The following NTRK2 variants were observed in gnomAD, a reference collection of about 807,000 sequenced individuals.
NTRK2 encodes neurotrophic receptor tyrosine kinase 2.
NTRK2 carries 13 observed loss-of-function variants against 94.5 expected under a neutral mutation model. That is an observed-to-expected ratio of 0.14 (90% confidence interval 0.09 to 0.22). The LOEUF is 0.22. NTRK2 is among the 10% of genes least tolerant of loss of function. The pLI, the probability that NTRK2 is intolerant of heterozygous loss-of-function variation, is 1.00. For missense variants in NTRK2, 639 were observed against 1,071.2 expected, an observed-to-expected ratio of 0.60 and a Z score of 5.63; for synonymous variants, 372 against 407.4, an observed-to-expected ratio of 0.91 and a Z score of 1.05.
intron 11 of NTRK2, among the ~76,000 whole-genome samples, chr9:84,747,044 A>G (rs547390145): frequency 7.9e-5 from 12 of 152,300 alleles, no homozygotes; most frequent in African/African-American, 2.2e-4. Context: ...AGTATAGGGC[A>G]GAGGAATTGG....
chr9:84,693,801 T>G (rs1246349669), intron 2 of NTRK2, among the ~76,000 whole-genome samples: 1 of 152,196 alleles, frequency 6.6e-6, no homozygotes, highest in African/African-American at 2.4e-5. Context: ...GTGAAGCTAG[T>G]GCAGTATGTT....
At chr9:84,722,104 C>T (rs1228335118) in intron 6 of NTRK2, among the ~76,000 whole-genome samples, 3 of 149,328 alleles carry the variant, frequency 2.0e-5, no homozygotes, top group African/African-American at 5.0e-5. Context: ...TTGTATTACA[C>T]TCTGTTAATC....
chr9:84,788,685 A>C (rs1013843517), intron 12 of NTRK2, among the ~76,000 whole-genome samples: 3 of 152,082 alleles, frequency 2.0e-5, no homozygotes, highest in African/African-American at 7.2e-5. Flanking sequence ...ATGGAGACAC[A>C]GCATGCATGA....
Position 84,951,507 on chromosome 9 carries a change from T to C in NTRK2, c.1937+2873T>C, listed in dbSNP as rs184984423. 9.9e-4 allele frequency among the ~76,000 whole-genome samples: 151 copies of C among 152,340 alleles called. 2 individuals carry two copies. The highest frequency in any genetic ancestry group is 3.2e-3 in the African/African-American group (134 of 41,578). ...ATGTGCTCACCTGGATGCAATTAAATGCTTCCGTGAGCTCACAGTGTGTCT... is the reference window on the plus strand; with the variant it reads ...ATGTGCTCACCTGGATGCAATTAAACGCTTCCGTGAGCTCACAGTGTGTCT... On this transcript the variant is annotated intron_variant, in intron 16 of 18. Coordinates refer to ENST00000277120, the MANE Select transcript of NTRK2 (RefSeq NM_006180.6).
intron 12 of NTRK2, among the ~76,000 whole-genome samples, chr9:84,853,175 A>G (rs1433675662): frequency 1.3e-5 from 2 of 152,170 alleles, no homozygotes; most frequent in South Asian, 2.1e-4. Flanking sequence ...ATATAAGGCC[A>G]TGTGTCAATC....
chr9:84,878,445 C>A (rs2076151797), intron 14 of NTRK2, among the ~76,000 whole-genome samples: 1 of 151,670 alleles, frequency 6.6e-6, no homozygotes. Flanking sequence ...ACCCTCCTGG[C>A]CAACATGGTG....
At position 85,025,561 on chromosome 9, in the gene NTRK2, G is replaced by A. The variant is rs1832992400; in HGVS notation, c.*4124G>A. 1 of 233,068 alleles carries A rather than the reference G, an allele frequency of 4.3e-6. No homozygotes were observed. Among genetic ancestry groups the A allele is most frequent in the Admixed American group, 5.6e-5 (1 of 17,776 alleles). 14.4% of individuals were successfully genotyped at this position (233,068 alleles called of 1,614,324 possible). On this transcript the variant is annotated 3_prime_UTR_variant, in exon 19 of 19. Coordinates refer to ENST00000277120, the MANE Select transcript of NTRK2 (RefSeq NM_006180.6). ...ACAGCAGGATTACCTGGTCAAGTAT[G>A]GACTTTCTTTGAATCTTTCTTTTCA...
intron 12 of NTRK2, among the ~76,000 whole-genome samples, chr9:84,847,684 C>A (rs771456379): frequency 6.6e-6 from 1 of 152,274 alleles, no homozygotes; most frequent in South Asian, 2.1e-4. Flanking sequence ...CATCCTTGAA[C>A]AAATCAGTGT....
At chr9:84,785,149 A>G (rs1157007494) in intron 12 of NTRK2, among the ~76,000 whole-genome samples, 1 of 152,220 alleles carries the variant, frequency 6.6e-6, no homozygotes, top group South Asian at 2.1e-4. Flanking sequence ...TGAACAGATG[A>G]TGTTAGCAGT....
At chr9:84,995,733 T>C (rs1829677209) in intron 17 of NTRK2, among the ~76,000 whole-genome samples, 1 of 152,336 alleles carries the variant, frequency 6.6e-6, no homozygotes, top group Non-Finnish European at 1.5e-5. Context: ...TATGTGTTGG[T>C]TGTGTTTCTA....
Position 84,900,308 on chromosome 9 carries a change from G to A in NTRK2, c.1633+32877G>A, listed in dbSNP as rs114066628. ...GTCTCACAGGTAGTAAAGAGCAGAC[G>A]TGGGACCAGACATCAAGCTACTTGT... On this transcript the variant is annotated intron_variant, in intron 14 of 18. Transcript: ENST00000277120. Among the ~76,000 whole-genome samples the A allele has an allele frequency of 4.3e-3, 652 of 152,276 alleles. 5 individuals are homozygous for A. The highest frequency in any genetic ancestry group is 0.015 in the African/African-American group (618 of 41,556).
intron 14 of NTRK2, among the ~76,000 whole-genome samples, chr9:84,900,955 C>T (rs1017874215): frequency 2.0e-5 from 3 of 152,050 alleles, no homozygotes; most frequent in Admixed American, 1.3e-4. Flanking sequence ...GGTAAGGAGC[C>T]GGTTGTGCTA....
chr9:84,968,888 A>G (rs1243698360), intron 17 of NTRK2, among the ~76,000 whole-genome samples: 1 of 152,204 alleles, frequency 6.6e-6, no homozygotes, highest in Non-Finnish European at 1.5e-5. Flanking sequence ...TCTATTGAGT[A>G]ACCACATCCT....
intron 14 of NTRK2, among the ~76,000 whole-genome samples, chr9:84,928,701 G>A (rs1302789814): frequency 1.3e-5 from 2 of 152,218 alleles, no homozygotes; most frequent in East Asian, 1.9e-4. Flanking sequence ...AGCCAGTCTC[G>A]ATGATCTTTA....
Position 84,977,223 on chromosome 9 carries a change from G to A in NTRK2, c.2172+21706G>A, listed in dbSNP as rs77159906. On this transcript the variant is annotated intron_variant, in intron 17 of 18. Transcript: ENST00000277120. ...TTGATTCATTTACATTGAACTCAGG[G>A]CCAACAGCCTGAACATAACTCACAT... is the stretch of plus-strand genomic sequence containing the variant. Among the ~76,000 whole-genome samples the A allele has an allele frequency of 3.4e-3, 520 of 151,682 alleles. 4 individuals are homozygous for A. The highest frequency in any genetic ancestry group is 0.012 in the African/African-American group (481 of 41,134).
intron 15 of NTRK2, among the ~76,000 whole-genome samples, chr9:84,935,252 A>G (rs1296782662): frequency 1.3e-5 from 2 of 152,174 alleles, no homozygotes. Flanking sequence ...TACAAATGGC[A>G]TTTATTTACT....
At chr9:84,857,656 G>A (rs1429877367) in intron 12 of NTRK2, among the ~76,000 whole-genome samples, 1 of 152,164 alleles carries the variant, frequency 6.6e-6, no homozygotes, top group Non-Finnish European at 1.5e-5. Flanking sequence ...CCTACATAAT[G>A]ACTGAGTTAA....
intron 15 of NTRK2, among the ~76,000 whole-genome samples, chr9:84,943,793 T>C (rs2078494499): frequency 6.6e-6 from 1 of 152,076 alleles, no homozygotes; most frequent in Non-Finnish European, 1.5e-5. Flanking sequence ...TTTTTATAAA[T>C]AGGGTTGATA....
chr9:84,686,076 A>G, intron 2 of NTRK2, among the ~76,000 whole-genome samples: 1 of 152,206 alleles, frequency 6.6e-6, no homozygotes. Flanking sequence ...TCTAAATAAG[A>G]GTATTAGTTG....
Sources: allele counts gnomAD v4.1 joint callset (sites outside exome capture counted in the v4.1 genomes callset), GRCh38; gene constraint gnomAD v4.1.1; transcripts MANE v1.5; gene names NCBI Gene and HGNC (gene_info 2026-07-23, HGNC 2026-07-21).